Variants in FKTN observed in about 807,000 individuals in gnomAD.
The protein encoded by FKTN is ribitol-5-phosphate transferase FKTN.
Under a neutral mutation model 58.6 loss-of-function variants are expected in FKTN, and 47 were observed. The ratio of observed to expected loss-of-function variants is 0.80; its 90% CI spans 0.63 to 1.02. FKTN has a LOEUF of 1.02. FKTN is among the 50% of genes least tolerant of loss of function. FKTN has a pLI of 0.00. For missense variants in FKTN, 516 were observed against 537.3 expected (o/e 0.96, Z 0.39); for synonymous variants, 178 against 191.9 (o/e 0.93, Z 0.60).
intron 10 of FKTN, 26 bp downstream of exon 10, chr9:105,620,087 A>G (rs1410680839): frequency 6.3e-7 from 1 of 1,577,190 alleles, no homozygotes; most frequent in Admixed American, 1.7e-5. Flanking sequence ...GTACTTATTT[A>G]TAAAGGTACT....
chr9:105,582,279 A>AC (rs35238231), intron 3 of FKTN, among the ~76,000 whole-genome samples: 82,093 of 151,892 alleles, frequency 0.54, 22,436 homozygotes, highest in East Asian at 0.7. Context: ...GTAACCTTGA[A>AC]TCTGGGGCTC....
Sources: allele counts gnomAD v4.1 joint callset (sites outside exome capture counted in the v4.1 genomes callset), GRCh38; gene constraint gnomAD v4.1.1; transcripts MANE v1.5; gene names NCBI Gene and HGNC (gene_info 2026-07-23, HGNC 2026-07-21).